Variants in PAPPA observed in about 807,000 individuals in gnomAD.
PAPPA encodes pappalysin-1.
PAPPA carries 60 observed loss-of-function variants against 164.0 expected under a neutral mutation model. That is an observed-to-expected ratio of 0.37 (90% CI 0.30 to 0.45). The LOEUF is 0.45. PAPPA is among the 20% of genes least tolerant of loss of function. PAPPA has a pLI of 1.00. For synonymous variants in PAPPA, 875 were observed against 814.1 expected (o/e 1.07, Z -1.27); for missense variants, 1,782 against 2,087.3 (o/e 0.85, Z 2.85).
At chr9:116,340,278 A>G (rs796830320) in intron 13 of PAPPA, among the ~76,000 whole-genome samples, 3 of 152,280 alleles carry the variant, frequency 2.0e-5, no homozygotes, top group African/African-American at 4.8e-5. Flanking sequence ...GGGCTGTATC[A>G]CAGAGTTATT....
intron 2 of PAPPA, among the ~76,000 whole-genome samples, chr9:116,206,585 G>T (rs1264148741): frequency 6.6e-6 from 1 of 152,140 alleles, no homozygotes; most frequent in African/African-American, 2.4e-5. Flanking sequence ...CAAGCTTTGT[G>T]CGGAGAACTG....
chr9:116,264,733 A>G (rs115872318), intron 7 of PAPPA, among the ~76,000 whole-genome samples: 3,267 of 152,216 alleles, frequency 0.021, 99 homozygotes, highest in African/African-American at 0.075. Context: ...GTTTTTTCCC[A>G]TGGTACTTTG....
intron 19 of PAPPA, among the ~76,000 whole-genome samples, chr9:116,369,430 G>C (rs1190025380): frequency 6.6e-6 from 1 of 152,194 alleles, no homozygotes; most frequent in East Asian, 1.9e-4. Flanking sequence ...GTCCACACAG[G>C]CAGCACAACT....
At chr9:116,345,373 G>C (rs952754086) in intron 14 of PAPPA, among the ~76,000 whole-genome samples, 10 of 151,984 alleles carry the variant, frequency 6.6e-5, no homozygotes, top group Non-Finnish European at 1.0e-4. Flanking sequence ...TGTGTGTTGG[G>C]GAGAAGGAAG....
Position 116,187,046 on chromosome 9 carries a change from C to T in PAPPA, c.416-108C>T, listed in dbSNP as rs533945986. On this transcript the variant is annotated intron_variant, in intron 1 of 21. Coordinates refer to ENST00000328252, the MANE Select transcript of PAPPA (RefSeq NM_002581.5). This position sits in a 1 kb window ranked among gnomAD's most constrained non-coding sequence, Gnocchi z 4.2. ...AGGATCCCACAGAGCAGTTGGAAAG[C>T]GATGAGTCTAGGATAACCTGATACA... 30 of 787,108 alleles carry T rather than the reference C, an allele frequency of 3.8e-5. No individual in the cohort carries two copies. Among genetic ancestry groups the T allele is most frequent in the East Asian group, 3.2e-4 (12 of 37,274 alleles). The allele number at this position is 787,108 out of a possible 1,614,324, so 48.8% of individuals were successfully genotyped here. A position where few individuals can be genotyped will look rare whatever the true frequency, so the allele number is the denominator to read the frequency against.
chr9:116,215,562 A>AG (rs762959677), intron 4 of PAPPA, among the ~76,000 whole-genome samples: 16 of 152,178 alleles, frequency 1.1e-4, no homozygotes, highest in Non-Finnish European at 1.9e-4. Flanking sequence ...GGACACACAG[A>AG]GGGGAACAAC....
intron 10 of PAPPA, among the ~76,000 whole-genome samples, chr9:116,312,840 T>A (rs1377938661): frequency 1.3e-5 from 2 of 151,858 alleles, no homozygotes; most frequent in African/African-American, 4.8e-5. Flanking sequence ...TCCCAGCACT[T>A]TGGGAGGCCA....
chr9:116,348,179 A>G (rs1047988090), intron 15 of PAPPA, among the ~76,000 whole-genome samples: 2 of 151,464 alleles, frequency 1.3e-5, no homozygotes, highest in Non-Finnish European at 2.9e-5. Flanking sequence ...ATATCTCTCT[A>G]TTTCCATATT....
chr9:116,344,857 G>A, intron 14 of PAPPA, 146 bp downstream of exon 14: 1 of 656,150 alleles, frequency 1.5e-6, no homozygotes, highest in Non-Finnish European at 2.6e-6. Flanking sequence ...TTGATTAAAT[G>A]AATGCATGAA....
intron 1 of PAPPA, among the ~76,000 whole-genome samples, chr9:116,173,848 C>T (rs1187771359): frequency 6.6e-6 from 1 of 152,202 alleles, no homozygotes; most frequent in African/African-American, 2.4e-5. Context: ...GCTCTATTTG[C>T]TTGTACCTCT....
At chr9:116,313,069 T>G (rs1845741730) in intron 10 of PAPPA, among the ~76,000 whole-genome samples, 2 of 129,096 alleles carry the variant, frequency 1.5e-5, no homozygotes, top group Admixed American at 9.2e-5. Context: ...GGTGACAGAG[T>G]GAGACTCCAT....
chr9:116,375,251 G>A (rs776844504), intron 19 of PAPPA, among the ~76,000 whole-genome samples: 40 of 152,202 alleles, frequency 2.6e-4, no homozygotes, highest in Admixed American at 1.1e-3. Flanking sequence ...CACTTTATGC[G>A]TGTACTGGGG....
At chr9:116,394,949 C>A (rs566570412) in intron 21 of PAPPA, among the ~76,000 whole-genome samples, 1 of 152,224 alleles carries the variant, frequency 6.6e-6, no homozygotes, top group East Asian at 1.9e-4. Context: ...TGGTCCCTGC[C>A]TTATGGGCCA....
Position 116,154,155 on chromosome 9 carries a change from C to CGGGGGGGGGGGAGGGGGGGGG in PAPPA, c.-12_-11insGGGGGAGGGGGGGGGGGGGGG. 2.2e-6 allele frequency: 1 copy of CGGGGGGGGGGGAGGGGGGGGG among 464,990 alleles called. No homozygotes were observed. Among genetic ancestry groups the CGGGGGGGGGGGAGGGGGGGGG allele is most frequent in the Non-Finnish European group, 2.9e-6 (1 of 345,720 alleles). The allele number at this position is 464,990 out of a possible 1,614,324, so 28.8% of individuals were successfully genotyped here. A position where few individuals can be genotyped will look rare whatever the true frequency, so the allele number is the denominator to read the frequency against. ...TGGCGGTGCAGGGGCGAAGGGGGGG[C>CGGGGGGGGGGGAGGGGGGGGG]GGGGGGAACCGTCGGACATGCGGCT... On this transcript the variant is annotated 5_prime_UTR_variant, in exon 1 of 22. Coordinates refer to ENST00000328252, the MANE Select transcript of PAPPA (RefSeq NM_002581.5). The surrounding 1 kb of genome is among the most constrained non-coding windows in gnomAD (Gnocchi z 5.2).
At chr9:116,396,388 C>A (rs748090396) in intron 21 of PAPPA, 121 bp from the exon 22 acceptor site, 26 of 720,146 alleles carry the variant, frequency 3.6e-5, no homozygotes, top group Middle Eastern at 2.4e-4. Context: ...AGAAGCAGAG[C>A]CATAACTTGA....
chr9:116,341,625 CT>C (rs1284358816), intron 13 of PAPPA, among the ~76,000 whole-genome samples: 5 of 152,160 alleles, frequency 3.3e-5, no homozygotes, highest in Non-Finnish European at 7.3e-5. Context: ...TCATGTATTA[CT>C]TTTCTTTGGC....
At chr9:116,389,494 T>C (rs958120161) in intron 21 of PAPPA, among the ~76,000 whole-genome samples, 1 of 152,160 alleles carries the variant, frequency 6.6e-6, no homozygotes, top group African/African-American at 2.4e-5. Flanking sequence ...CTTGGGAAAA[T>C]GTGGGTGCTT....
chr9:116,170,526 C>G (rs931741599), intron 1 of PAPPA, among the ~76,000 whole-genome samples: 3 of 152,036 alleles, frequency 2.0e-5, no homozygotes, highest in African/African-American at 7.2e-5. Flanking sequence ...CAAATCCAGC[C>G]ACCTATCCAC....
intron 2 of PAPPA, 52 bp downstream of exon 2, chr9:116,188,268 C>T: frequency 7.2e-7 from 1 of 1,384,994 alleles, no homozygotes; most frequent in Non-Finnish European, 1.0e-6. Context: ...ACTTGATGTC[C>T]TCCATATTAT....
Sources: gnomAD v4.1 joint callset for allele counts (sites outside exome capture counted in the v4.1 genomes callset) on GRCh38, gnomAD v4.1.1 for gene constraint, Gnocchi (gnomAD v3.1) non-coding constraint, MANE v1.5 for transcripts, NCBI Gene and HGNC (gene_info 2026-07-23, HGNC 2026-07-21) for gene names.